MYRIP: variants seen among roughly 807,000 people sequenced by gnomAD.
MYRIP encodes the protein rab effector MyRIP.
In MYRIP, 49 loss-of-function variants were observed where a neutral mutation model predicts 98.0. The observed-to-expected ratio is 0.50, with a 90% CI of 0.40 to 0.63. The LOEUF (loss-of-function observed/expected upper bound fraction) is 0.63. Ranked by LOEUF, MYRIP falls within the 30% of genes least tolerant of loss-of-function variation. The pLI, the probability that MYRIP is intolerant of heterozygous loss-of-function variation, is 0.00. For missense variants in MYRIP, 1,004 were observed against 1,058.2 expected (o/e 0.95, Z 0.71); for synonymous variants, 404 against 409.5 (o/e 0.99, Z 0.16).
chr3:40,035,478 C>T (rs77691940), intron 2 of MYRIP, among the ~76,000 whole-genome samples: 1,857 of 151,898 alleles, frequency 0.012, 27 homozygotes, highest in African/African-American at 0.042. Context: ...AAATGACAAA[C>T]CATGAAAGCA....
At chr3:40,141,697 A>T (rs1949898925) in intron 3 of MYRIP, among the ~76,000 whole-genome samples, 2 of 152,170 alleles carry the variant, frequency 1.3e-5, no homozygotes, top group Admixed American at 1.3e-4. Context: ...TTTGTGGAAA[A>T]GACTGTCCTT....
chr3:39,877,090 T>G (rs1193895496), intron 1 of MYRIP, among the ~76,000 whole-genome samples: 6 of 152,240 alleles, frequency 3.9e-5, no homozygotes, highest in Non-Finnish European at 8.8e-5. Flanking sequence ...ATTTCATTCA[T>G]TTGATCTTCC....
intron 1 of MYRIP, among the ~76,000 whole-genome samples, chr3:39,821,744 T>A (rs1941107659): frequency 6.6e-6 from 1 of 152,120 alleles, no homozygotes. Flanking sequence ...TCCTAGAACT[T>A]TTTAATATTT....
intron 2 of MYRIP, among the ~76,000 whole-genome samples, chr3:40,042,332 A>G (rs920651268): frequency 1.3e-5 from 2 of 151,472 alleles, no homozygotes; most frequent in African/African-American, 2.4e-5. Flanking sequence ...TCAACCCACT[A>G]CAGGGGCTAA....
At chr3:40,093,842 C>T (rs1398019132) in intron 3 of MYRIP, among the ~76,000 whole-genome samples, 1 of 152,216 alleles carries the variant, frequency 6.6e-6, no homozygotes, top group Non-Finnish European at 1.5e-5. Flanking sequence ...ATCATCTATG[C>T]TTTCCTCTGC....
At chr3:40,161,502 G>A (rs1371178471) in intron 4 of MYRIP, among the ~76,000 whole-genome samples, 1 of 152,170 alleles carries the variant, frequency 6.6e-6, no homozygotes, top group Non-Finnish European at 1.5e-5. Flanking sequence ...CAGCTGCAGA[G>A]GGAGCACTGT....
At chr3:39,890,658 T>C (rs1943461941) in intron 1 of MYRIP, among the ~76,000 whole-genome samples, 2 of 151,334 alleles carry the variant, frequency 1.3e-5, no homozygotes, top group South Asian at 4.1e-4. Context: ...TTTTTTAATA[T>C]TTGGTCAGCA....
rs573457252 is a variant in MYRIP, at chr3:40,188,646, G to A, written c.1028-1180G>A. Among the ~76,000 whole-genome samples the A allele has an allele frequency of 2.0e-5, 3 of 152,260 alleles. No individual in the cohort carries two copies. In the South Asian group the frequency reaches 6.2e-4, roughly 32 times the overall value. ...TGCATAAGTAGCCAGGTGTGGTGGT[G>A]TGCACCTGTAATCCCAGCTACTCAG... On this transcript the variant is annotated intron_variant, in intron 9 of 16. Coordinates refer to ENST00000302541, the MANE Select transcript of MYRIP (RefSeq NM_015460.4).
At chr3:40,036,514 A>G (rs982863486) in intron 2 of MYRIP, among the ~76,000 whole-genome samples, 1 of 152,046 alleles carries the variant, frequency 6.6e-6, no homozygotes, top group African/African-American at 2.4e-5. Flanking sequence ...AAATTGTTAA[A>G]TGTGTATAAA....
intron 8 of MYRIP, among the ~76,000 whole-genome samples, chr3:40,181,638 A>T (rs1282642725): frequency 6.6e-6 from 1 of 152,164 alleles, no homozygotes; most frequent in Non-Finnish European, 1.5e-5. Context: ...TCTATACAAC[A>T]TTTGAGCTTC....
rs80024549 is a variant in MYRIP at position 39,945,704 on chromosome 3, G to A, written c.110+44778G>A. 9.4e-3 allele frequency among the ~76,000 whole-genome samples: 1,436 copies of A among 151,974 alleles called. 17 individuals carry two copies. The highest frequency in any genetic ancestry group is 0.033 in the African/African-American group (1,358 of 41,498). On this transcript the variant is annotated intron_variant, in intron 2 of 16. Coordinates refer to ENST00000302541, the MANE Select transcript of MYRIP (RefSeq NM_015460.4). ...TAAAAAGTTAATCAAAAGAGAGATC[G>A]CAGGTTAAAGGAAAATGACATTAAA...
At position 40,095,312 on chromosome 3, in the gene MYRIP, CCTT is replaced by C. The variant is rs533553969; in HGVS notation, c.332+51045_332+51047del. On this transcript the variant is annotated intron_variant, in intron 3 of 16. Coordinates refer to ENST00000302541, the MANE Select transcript of MYRIP (RefSeq NM_015460.4). Reference sequence around the variant, plus strand: ...TGGGGCTATAAACAGGTCATGGCATCCTTCTTTGAGCAGAGAGGGTGAGTCCGC... The same window carrying C: ...TGGGGCTATAAACAGGTCATGGCATCCTTTGAGCAGAGAGGGTGAGTCCGC... Among the ~76,000 whole-genome samples the C allele has an allele frequency of 1.9e-3, 293 of 152,290 alleles. 2 individuals carry two copies. Among genetic ancestry groups the C allele is most frequent in the African/African-American group, 6.8e-3 (284 of 41,558 alleles).
chr3:39,972,135 A>G (rs1039310556), intron 2 of MYRIP, among the ~76,000 whole-genome samples: 10 of 152,122 alleles, frequency 6.6e-5, no homozygotes, highest in Non-Finnish European at 4.4e-5. Flanking sequence ...ATTACTTTTT[A>G]TAATATCTTA....
At chr3:40,227,641 G>T (rs1399081382) in intron 11 of MYRIP, among the ~76,000 whole-genome samples, 1 of 152,120 alleles carries the variant, frequency 6.6e-6, no homozygotes, top group Non-Finnish European at 1.5e-5. Flanking sequence ...AATGGTAAAA[G>T]GCACTCTTTG....
chr3:39,862,886 T>C (rs1942513812), intron 1 of MYRIP, among the ~76,000 whole-genome samples: 1 of 152,138 alleles, frequency 6.6e-6, no homozygotes, highest in Non-Finnish European at 1.5e-5. Flanking sequence ...AACCACACAA[T>C]TGGGCATAAA....
intron 8 of MYRIP, chr3:40,174,261 T>A (rs1022910310): frequency 2.0e-5 from 3 of 152,250 alleles, no homozygotes; most frequent in Non-Finnish European, 2.9e-5. Flanking sequence ...GGCTCTTTGT[T>A]ACTGCAACCT....
At chr3:40,190,742 C>A (rs1296197913) in intron 10 of MYRIP, among the ~76,000 whole-genome samples, 1 of 152,208 alleles carries the variant, frequency 6.6e-6, no homozygotes. Context: ...CATTAGAAAT[C>A]TGCCAAATTG....
chr3:39,980,364 T>C (rs1945860529), intron 2 of MYRIP, among the ~76,000 whole-genome samples: 1 of 152,180 alleles, frequency 6.6e-6, no homozygotes. Context: ...GGCATGGCCC[T>C]TGGGTAGAGG....
At chr3:39,871,500 A>G (rs1357677366) in intron 1 of MYRIP, among the ~76,000 whole-genome samples, 1 of 152,216 alleles carries the variant, frequency 6.6e-6, no homozygotes, top group Non-Finnish European at 1.5e-5. Context: ...TTCAGGAGCC[A>G]AACGTCTTCA....
Sources: allele counts gnomAD v4.1 joint callset (sites outside exome capture counted in the v4.1 genomes callset), GRCh38; gene constraint gnomAD v4.1.1; transcripts MANE v1.5; gene names NCBI Gene and HGNC (gene_info 2026-07-23, HGNC 2026-07-21).